The following ROBO2 variants were observed in gnomAD, a reference collection of about 807,000 sequenced individuals.
The protein encoded by ROBO2 is roundabout homolog 2.
ROBO2 carries 53 observed loss-of-function variants against 160.8 expected under a neutral mutation model. The ratio of observed to expected loss-of-function variants is 0.33; its 90% confidence interval spans 0.26 to 0.41. ROBO2 has a LOEUF of 0.41. Among genes scored for constraint, ROBO2 ranks in the 10% least tolerant of loss-of-function variants. The pLI, the probability that ROBO2 is intolerant of heterozygous loss-of-function variation, is 1.00. For missense variants in ROBO2, 1,577 were observed against 1,722.4 expected, an observed-to-expected ratio of 0.92 and a Z score of 1.49; for synonymous variants, 664 against 611.7, an observed-to-expected ratio of 1.09 and a Z score of -1.26.
intron 2 of ROBO2, among the ~76,000 whole-genome samples, chr3:76,357,943 G>A (rs1381227985): frequency 6.6e-6 from 1 of 150,642 alleles, no homozygotes; most frequent in African/African-American, 2.4e-5. Flanking sequence ...AAAGAAAACA[G>A]TCATGTCACT....
intron 2 of ROBO2, among the ~76,000 whole-genome samples, chr3:76,627,605 T>C (rs1460796351): frequency 6.6e-6 from 1 of 152,198 alleles, no homozygotes; most frequent in East Asian, 1.9e-4. Flanking sequence ...TGTGCATAAA[T>C]AATAAAATTT....
intron 2 of ROBO2, among the ~76,000 whole-genome samples, chr3:76,399,264 A>G (rs1168006446): frequency 1.3e-5 from 2 of 148,558 alleles, no homozygotes; most frequent in Admixed American, 6.7e-5. Flanking sequence ...TAACGTGACA[A>G]CTGTCTGCTG....
At chr3:76,391,846 G>A (rs940455766) in intron 2 of ROBO2, among the ~76,000 whole-genome samples, 4 of 152,060 alleles carry the variant, frequency 2.6e-5, no homozygotes, top group African/African-American at 9.7e-5. Context: ...AGTGTTTGTG[G>A]TAAGAAGCAT....
intron 2 of ROBO2, among the ~76,000 whole-genome samples, chr3:76,631,695 T>G (rs2090041582): frequency 6.6e-6 from 1 of 152,106 alleles, no homozygotes; most frequent in South Asian, 2.1e-4. Context: ...GTGTCAGATG[T>G]CTCTTCTTAA....
rs376845596 is a variant in ROBO2 at position 76,710,035 on chromosome 3, C to T, written c.110-387979C>T. ...TAAAGAAAGGGGAGGGAGAGAGACA[C>T]GTGGAGAGAAAGAGACATGGAGAGA... On this transcript the variant is annotated intron_variant, in intron 2 of 26. Transcript: ENST00000487694. 3.3e-5 allele frequency among the ~76,000 whole-genome samples: 5 copies of T among 151,828 alleles called. No homozygotes were observed. In the East Asian group the frequency reaches 9.7e-4, roughly 29 times the overall value.
At chr3:77,139,494 G>A (rs918349948) in intron 2 of ROBO2, among the ~76,000 whole-genome samples, 2 of 152,074 alleles carry the variant, frequency 1.3e-5, no homozygotes, top group African/African-American at 2.4e-5. Context: ...TGTATTAAGA[G>A]CCTACTAATA....
At chr3:76,961,727 A>C (rs1007077845) in intron 2 of ROBO2, among the ~76,000 whole-genome samples, 1 of 152,212 alleles carries the variant, frequency 6.6e-6, no homozygotes, top group African/African-American at 2.4e-5. Context: ...TAAGGTGTAC[A>C]TAACTTAAGT....
chr3:77,261,317 G>C (rs958046298), intron 2 of ROBO2, among the ~76,000 whole-genome samples: 5 of 152,092 alleles, frequency 3.3e-5, no homozygotes, highest in African/African-American at 1.2e-4. Flanking sequence ...TAAGAAAACA[G>C]CCACAATTAG....
At chr3:77,376,141 G>A (rs1226081064) in intron 2 of ROBO2, among the ~76,000 whole-genome samples, 2 of 145,632 alleles carry the variant, frequency 1.4e-5, no homozygotes, top group African/African-American at 5.1e-5. Context: ...CATTACAATA[G>A]GCATTTAACT....
At chr3:76,440,424 C>T (rs2076874875) in intron 2 of ROBO2, among the ~76,000 whole-genome samples, 2 of 151,734 alleles carry the variant, frequency 1.3e-5, no homozygotes, top group Admixed American at 6.6e-5. Flanking sequence ...CAACAGACCC[C>T]GGTGTGTGAT....
intron 2 of ROBO2, among the ~76,000 whole-genome samples, chr3:77,334,563 C>G (rs1449465520): frequency 6.6e-6 from 1 of 152,198 alleles, no homozygotes; most frequent in Non-Finnish European, 1.5e-5. Flanking sequence ...TCAACCTTCT[C>G]TTCCTTGCTC....
At chr3:75,980,800 C>T (rs898599348) in intron 2 of ROBO2, among the ~76,000 whole-genome samples, 2 of 151,514 alleles carry the variant, frequency 1.3e-5, no homozygotes, top group Non-Finnish European at 3.0e-5. Context: ...AACCTCTCCC[C>T]ACCACTTCTC....
At chr3:76,012,426 C>T (rs570113548) in intron 2 of ROBO2, among the ~76,000 whole-genome samples, 14 of 152,276 alleles carry the variant, frequency 9.2e-5, no homozygotes, top group Non-Finnish European at 1.3e-4. Context: ...TCACGCACAA[C>T]TAAATTTGAT....
intron 2 of ROBO2, among the ~76,000 whole-genome samples, chr3:77,117,837 G>C (rs1050009659): frequency 9.9e-5 from 15 of 152,078 alleles, no homozygotes; most frequent in African/African-American, 3.6e-4. Context: ...TAATATTTAT[G>C]TGTGCTGTCA....
chr3:76,869,007 TA>T (rs1259513303), intron 2 of ROBO2, among the ~76,000 whole-genome samples: 4 of 152,188 alleles, frequency 2.6e-5, no homozygotes, highest in Admixed American at 2.6e-4. Flanking sequence ...TAACACTTAT[TA>T]AACATCATTC....
chr3:77,033,092 C>T (rs913981475), intron 2 of ROBO2, among the ~76,000 whole-genome samples: 1 of 152,178 alleles, frequency 6.6e-6, no homozygotes, highest in African/African-American at 2.4e-5. Context: ...TGTGAGTAGG[C>T]ACTATTGTTA....
chr3:76,823,909 T>G (rs1055530842), intron 2 of ROBO2, among the ~76,000 whole-genome samples: 1 of 152,172 alleles, frequency 6.6e-6, no homozygotes, highest in African/African-American at 2.4e-5. Flanking sequence ...ATGGTAAAAC[T>G]GAGCTGTTAT....
At chr3:76,001,937 G>A (rs979584874) in intron 2 of ROBO2, among the ~76,000 whole-genome samples, 2 of 152,162 alleles carry the variant, frequency 1.3e-5, no homozygotes, top group Non-Finnish European at 2.9e-5. Context: ...GCACTTTGAA[G>A]AGTTTAAAAT....
intron 2 of ROBO2, among the ~76,000 whole-genome samples, chr3:77,293,202 G>A (rs537231204): frequency 8.7e-5 from 13 of 150,118 alleles, no homozygotes; most frequent in African/African-American, 1.7e-4. Context: ...AAAATTGACG[G>A]TTAAACGGGT....
Sources: allele counts gnomAD v4.1 joint callset (sites outside exome capture counted in the v4.1 genomes callset), GRCh38; gene constraint gnomAD v4.1.1; transcripts MANE v1.5; gene names NCBI Gene and HGNC (gene_info 2026-07-23, HGNC 2026-07-21).